The following NIBAN3 variants were observed in gnomAD, a reference collection of about 807,000 sequenced individuals.
NIBAN3 encodes niban apoptosis regulator 3.
Under a neutral mutation model 76.4 loss-of-function variants are expected in NIBAN3, and 66 were observed. That is an observed-to-expected ratio of 0.86 (90% CI 0.71 to 1.06). The LOEUF is 1.06. Among genes scored for constraint, NIBAN3 ranks in the 50% least tolerant of loss-of-function variants. The probability of loss-of-function intolerance (pLI) is 0.00; values close to 1 mark genes in which losing one functional copy is unlikely to be tolerated. For missense variants in NIBAN3, 808 were observed against 810.7 expected (o/e 1.00, Z 0.04); for synonymous variants, 360 against 355.2 (o/e 1.01, Z -0.15).
chr19:17,526,915 T>C (rs745945805), upstream of NIBAN3, among the ~76,000 whole-genome samples: 1 of 152,044 alleles, frequency 6.6e-6, no homozygotes, highest in Admixed American at 6.6e-5. Flanking sequence ...GTATCCTCTC[T>C]GGGGTCCAGC....
intron 9 of NIBAN3, among the ~76,000 whole-genome samples, chr19:17,541,889 G>A (rs1209426231): frequency 6.6e-6 from 1 of 151,852 alleles, no homozygotes; most frequent in African/African-American, 2.4e-5. Context: ...TCACCATGCT[G>A]GCCAGGCTGG....
chr19:17,539,501 G>T (rs760624869), intron 7 of NIBAN3, 50 bp downstream of exon 7: 6 of 1,458,268 alleles, frequency 4.1e-6, no homozygotes, highest in African/African-American at 1.4e-5. Context: ...CGGGCGTTCG[G>T]GTTCCCCTCC....
rs1258237380 is a variant in NIBAN3, at chr19:17,550,991, C to A, written c.1751-795C>A. On this transcript the variant is annotated intron_variant, in intron 14 of 14. Transcript: ENST00000599164. ...CTCACTGGTGCCCCTCACCTTTGTC[C>A]GGGAGGTTTAGGAGCTGCTTTTAGC... Among the ~76,000 whole-genome samples the A allele has an allele frequency of 2.0e-5, 3 of 151,818 alleles. No homozygotes were observed. The East Asian group carries it at 5.8e-4, about 29-fold the overall frequency.
Position 17,543,436 on chromosome 19 carries a change from G to A in NIBAN3, c.1446+3G>A. On this transcript the variant is annotated splice_donor_region_variant and intron_variant, in intron 11 of 14. Transcript: ENST00000599164. The stretch of plus-strand genomic sequence containing the variant: ...GAGTCAGGGGGCGCGTGCTGAAGGT[G>A]TGTTCTGTGGGTACGGGGTGGCATG... 2 of 1,613,474 alleles carry A rather than the reference G, an allele frequency of 1.2e-6. No individual in the cohort carries two copies. The highest frequency in any genetic ancestry group is 1.1e-5 in the South Asian group (1 of 91,074).
chr19:17,544,480 G>A (rs1316864728), intron 12 of NIBAN3, among the ~76,000 whole-genome samples: 1 of 152,216 alleles, frequency 6.6e-6, no homozygotes, highest in Non-Finnish European at 1.5e-5. Flanking sequence ...GGGAGGAGGT[G>A]GATGGAGAGT....
Position 17,543,310 on chromosome 19 carries a change from C to T in NIBAN3, c.1330-7C>T, listed in dbSNP as rs1234329526. On this transcript the variant is annotated splice_region_variant and splice_polypyrimidine_tract_variant and intron_variant, in intron 10 of 14. Coordinates refer to ENST00000599164, the MANE Select transcript of NIBAN3 (RefSeq NM_001321827.2). ...TTCTGGGGTCATCATAGCATCTCCT[C>T]CCACAGCTCATGGCTGACGCCGTGG... 1.3e-6 allele frequency: 2 copies of T among 1,539,956 alleles called. No individual in the cohort carries two copies. The highest frequency in any genetic ancestry group is 1.9e-5 in the Admixed American group (1 of 52,572).
At chr19:17,539,547 G>A in intron 7 of NIBAN3, 56 bp from the exon 8 acceptor site, 1 of 1,478,206 alleles carries the variant, frequency 6.8e-7, no homozygotes, top group Non-Finnish European at 9.0e-7. Flanking sequence ...CGATCTCTCT[G>A]ACCCCCATCC....
chr19:17,530,399 G>T (rs2144675589), intron 1 of NIBAN3, among the ~76,000 whole-genome samples: 1 of 151,678 alleles, frequency 6.6e-6, no homozygotes, highest in East Asian at 1.9e-4. Context: ...CCAGCATGAT[G>T]GCGTGCGCCT....
At chr19:17,533,820 C>T (rs1221532585) in intron 4 of NIBAN3, 119 bp downstream of exon 4, 1 of 736,380 alleles carries the variant, frequency 1.4e-6, no homozygotes, top group Non-Finnish European at 2.3e-6. Flanking sequence ...AAGCAGCATC[C>T]CTGGCTTCCA....
chr19:17,526,543 G>A (rs563009435), upstream of NIBAN3, among the ~76,000 whole-genome samples: 30 of 152,000 alleles, frequency 2.0e-4, no homozygotes, highest in African/African-American at 6.8e-4. Flanking sequence ...AGCTACTCTG[G>A]AGGCTGAAGT....
At chr19:17,540,331 A>C in intron 8 of NIBAN3, 61 bp from the exon 9 acceptor site, 2 of 1,293,654 alleles carry the variant, frequency 1.5e-6, no homozygotes, top group Non-Finnish European at 2.0e-6. Flanking sequence ...GGGCCCCTGC[A>C]CATCCCCATC....
upstream of NIBAN3, among the ~76,000 whole-genome samples, chr19:17,526,099 G>C (rs560765247): frequency 1.4e-4 from 21 of 151,986 alleles, no homozygotes; most frequent in African/African-American, 4.3e-4. Context: ...GGATCACGAG[G>C]TCAGGAGTTT....
intron 9 of NIBAN3, 147 bp from the exon 10 acceptor site, chr19:17,541,989 C>G (rs752909242): frequency 7.0e-6 from 7 of 1,000,528 alleles, no homozygotes; most frequent in Admixed American, 2.2e-5. Context: ...TGGCCCACCA[C>G]TATTGTATTA....
chr19:17,554,397 T>C (rs2076196607), downstream of NIBAN3, among the ~76,000 whole-genome samples: 1 of 151,442 alleles, frequency 6.6e-6, no homozygotes, highest in African/African-American at 2.4e-5. Context: ...GGAGGATCAG[T>C]TGAGCCCAGG....
intron 4 of NIBAN3, among the ~76,000 whole-genome samples, chr19:17,535,282 T>C (rs543013409): frequency 6.6e-6 from 1 of 152,066 alleles, no homozygotes; most frequent in African/African-American, 2.4e-5. Flanking sequence ...TCCACAAACA[T>C]TTTAAAAAAT....
Position 17,543,591 on chromosome 19 carries a change from T to C in NIBAN3, c.1514T>C (p.Leu505Ser), listed in dbSNP as rs1014052514. The C allele has an allele frequency of 8.1e-6, 13 of 1,614,178 alleles. No individual in the cohort carries two copies. The highest frequency in any genetic ancestry group is 1.3e-5 in the African/African-American group (1 of 75,060). ...FIRGWGLCIF[L>S]PFVLSQLEPG... ...CGAGGCTGGGGTCTCTGCATCTTTT[T>C]ACCTTTTGTGCTGAGCCAACTCGAG... Residue 505 changes from leucine (L) to serine (S), a missense_variant, in exon 12 of 15, where the codon TTA (leucine) becomes TCA (serine). Leu to Ser is a moderately radical substitution (Grantham distance 145). Coordinates refer to ENST00000599164, the MANE Select transcript of NIBAN3 (RefSeq NM_001321827.2).
intron 14 of NIBAN3, chr19:17,549,822 C>CAT: frequency 2.3e-6 from 1 of 431,830 alleles, no homozygotes. Flanking sequence ...CTCTCTCTCT[C>CAT]TCTCTTTTTT....
At position 17,539,168 on chromosome 19, in the gene NIBAN3, C is replaced by A. The variant is rs2075885563; in HGVS notation, c.614C>A (p.Ala205Asp). ...CTCTCAGTCCTGCAGCGAAGCCAGGCCCCTGCTGCCCGGGCCTTCCTGGAC... is the reference window on the plus strand; with the variant it reads ...CTCTCAGTCCTGCAGCGAAGCCAGGACCCTGCTGCCCGGGCCTTCCTGGAC... ...LQGIVLQRSQ[A>D]PAARAFLDAV... is the part of the protein sequence containing the mutation. Residue 205 changes from alanine to aspartate, a missense_variant, in exon 6 of 15, where the codon GCC becomes GAC. Physicochemically the swap from Ala to Asp is moderately radical, Grantham distance 126. Transcript: ENST00000599164. 6.3e-7 allele frequency: 1 copy of A among 1,597,010 alleles called. No individual in the cohort carries two copies. The highest frequency in any genetic ancestry group is 8.5e-7 in the Non-Finnish European group (1 of 1,172,548).
chr19:17,537,612 G>A, intron 5 of NIBAN3, 69 bp downstream of exon 5: 1 of 1,439,114 alleles, frequency 6.9e-7, no homozygotes, highest in Non-Finnish European at 9.3e-7. Context: ...AGCCTCTGTT[G>A]GCTCGGGACC....
Sources: allele counts gnomAD v4.1 joint callset (sites outside exome capture counted in the v4.1 genomes callset), GRCh38; gene constraint gnomAD v4.1.1; transcripts MANE v1.5; gene names NCBI Gene and HGNC (gene_info 2026-07-23, HGNC 2026-07-21).